ZFHX3: variants seen among roughly 807,000 people sequenced by gnomAD.
ZFHX3 encodes zinc finger homeobox protein 3.
ZFHX3 carries 42 observed loss-of-function variants against 279.1 expected under a neutral mutation model. The ratio of observed to expected loss-of-function variants is 0.15; its 90% CI spans 0.12 to 0.19. The LOEUF is 0.19. Ranked by LOEUF, ZFHX3 falls within the 10% of genes least tolerant of loss-of-function variation. ZFHX3 has a pLI of 1.00. For missense variants in ZFHX3, 4,981 were observed against 4,754.0 expected (o/e 1.05, Z -1.40); for synonymous variants, 2,293 against 1,957.8 (o/e 1.17, Z -4.52).
At chr16:73,557,635 G>A (rs1222156239) in intron 2 of ZFHX3, among the ~76,000 whole-genome samples, 1 of 152,162 alleles carries the variant, frequency 6.6e-6, no homozygotes, top group Non-Finnish European at 1.5e-5. Flanking sequence ...GAGTGTAGCA[G>A]TGAGGACGAC....
chr16:73,008,765 T>G (rs1349021329), intron 1 of ZFHX3, among the ~76,000 whole-genome samples: 2 of 152,160 alleles, frequency 1.3e-5, no homozygotes, highest in Non-Finnish European at 2.9e-5. Flanking sequence ...TTGATGAAAT[T>G]TAGAGATGGC....
chr16:73,318,495 C>T (rs894206738), intron 3 of ZFHX3, among the ~76,000 whole-genome samples: 5 of 152,058 alleles, frequency 3.3e-5, no homozygotes, highest in East Asian at 1.9e-4. Flanking sequence ...TTACTTATTA[C>T]TATTGGGTGA....
chr16:73,374,418 C>T (rs2016686839), intron 3 of ZFHX3, among the ~76,000 whole-genome samples: 1 of 151,816 alleles, frequency 6.6e-6, no homozygotes, highest in African/African-American at 2.4e-5. Flanking sequence ...ATCTATTCCT[C>T]CCACTCTCCT....
chr16:72,895,950 C>T (rs903948128), intron 3 of ZFHX3, among the ~76,000 whole-genome samples: 1 of 152,198 alleles, frequency 6.6e-6, no homozygotes, highest in Non-Finnish European at 1.5e-5. Flanking sequence ...ATCATAAGAA[C>T]TGCAAAGGTA....
intron 3 of ZFHX3, among the ~76,000 whole-genome samples, chr16:72,893,218 C>G (rs1173451746): frequency 6.6e-6 from 1 of 152,200 alleles, no homozygotes; most frequent in Non-Finnish European, 1.5e-5. Flanking sequence ...TACGTTCCAT[C>G]AAGAGATTTT....
In ZFHX3 at chr16:73,120,649, C is replaced by CTTTTTTTTTTTTTTTTTTT. The variant is rs140219846; in HGVS notation, c.-897+10318_-897+10319insAAAAAAAAAAAAAAAAAAA. Among the ~76,000 whole-genome samples, 2 of 106,202 alleles carry CTTTTTTTTTTTTTTTTTTT rather than the reference C, an allele frequency of 1.9e-5. 1 individual carries two copies. The highest frequency in any genetic ancestry group is 4.0e-5 in the Non-Finnish European group (2 of 50,578). 69.7% of individuals were successfully genotyped at this position (106,202 alleles called of 152,430 possible). A position where few individuals can be genotyped will look rare whatever the true frequency, so the allele number is the denominator to read the frequency against. ...TTGTTTTTCTGCCCTATCCTCTCTA[C>CTTTTTTTTTTTTTTTTTTT]CTTTTTTTTTTTTTTTTTTTTTTGA... On this transcript the variant is annotated intron_variant, in intron 7 of 17. Transcript: ENST00000641206.
At chr16:73,124,146 T>C (rs980947457) in intron 7 of ZFHX3, among the ~76,000 whole-genome samples, 1 of 152,128 alleles carries the variant, frequency 6.6e-6, no homozygotes, top group Non-Finnish European at 1.5e-5. Context: ...AATAGTGTGT[T>C]TTGGCCTGTT....
chr16:73,782,865 G>A (rs537414221), intron 1 of ZFHX3, among the ~76,000 whole-genome samples: 1 of 152,308 alleles, frequency 6.6e-6, no homozygotes, highest in East Asian at 1.9e-4. Context: ...TGTTTCTTAG[G>A]AATAAACTGT....
In ZFHX3 at chr16:73,546,688, GC is replaced by G. The variant is rs1427623150; in HGVS notation, c.-1546-90431del. Reference sequence around the variant, plus strand: ...TGCTGCTGTTGCTGCTGCTGCTGCTGCTGCTGCTGCTGCTGCTGCTGCTGCT... The same window carrying G: ...TGCTGCTGTTGCTGCTGCTGCTGCTGTGCTGCTGCTGCTGCTGCTGCTGCT... On this transcript the variant is annotated intron_variant, in intron 2 of 17. Coordinates refer to the ZFHX3 transcript ENST00000641206. Among the ~76,000 whole-genome samples, 18 of 71,044 alleles carry G rather than the reference GC, an allele frequency of 2.5e-4. No individual in the cohort carries two copies. The East Asian group carries it at 4.9e-3, about 19-fold the overall frequency. 46.6% of individuals were successfully genotyped at this position (71,044 alleles called of 152,430 possible). A position where few individuals can be genotyped will look rare whatever the true frequency, so the allele number is the denominator to read the frequency against.
chr16:73,789,703 A>G (rs1206983132), intron 1 of ZFHX3, among the ~76,000 whole-genome samples: 2 of 152,172 alleles, frequency 1.3e-5, no homozygotes, highest in Admixed American at 6.5e-5. Context: ...CCAGGCAGCA[A>G]TTGTACAGTC....
chr16:73,591,716 A>G (rs1031456910), intron 2 of ZFHX3, among the ~76,000 whole-genome samples: 1 of 146,278 alleles, frequency 6.8e-6, no homozygotes, highest in Non-Finnish European at 1.5e-5. Context: ...AAAAAAAAAA[A>G]AAGAAAAGAA....
intron 2 of ZFHX3, among the ~76,000 whole-genome samples, chr16:73,659,948 C>T (rs760174590): frequency 1.4e-4 from 22 of 152,232 alleles, no homozygotes; most frequent in Non-Finnish European, 2.6e-4. Context: ...ACTGTAATTA[C>T]GGAAGGTGTA....
At chr16:72,885,144 C>T (rs928460321) in intron 4 of ZFHX3, among the ~76,000 whole-genome samples, 3 of 152,202 alleles carry the variant, frequency 2.0e-5, no homozygotes, top group Non-Finnish European at 2.9e-5. Context: ...AAAAGTGTAA[C>T]GACAAAGACC....
chr16:73,688,035 T>C (rs2053108722), intron 1 of ZFHX3, among the ~76,000 whole-genome samples: 1 of 151,998 alleles, frequency 6.6e-6, no homozygotes, highest in South Asian at 2.1e-4. Flanking sequence ...ATGGCTGCTA[T>C]GGTCTGAATG....
chr16:73,253,721 C>T (rs2013580639), intron 5 of ZFHX3, among the ~76,000 whole-genome samples: 1 of 151,996 alleles, frequency 6.6e-6, no homozygotes, highest in South Asian at 2.1e-4. Context: ...TCCCAAAGTG[C>T]TGGGATTACA....
intron 4 of ZFHX3, among the ~76,000 whole-genome samples, chr16:72,868,274 C>G (rs988252815): frequency 5.3e-5 from 8 of 152,162 alleles, no homozygotes; most frequent in Admixed American, 4.6e-4. Flanking sequence ...TCCCTTCTTA[C>G]CCATTCCTGC....
intron 1 of ZFHX3, among the ~76,000 whole-genome samples, chr16:73,758,843 C>T (rs963015835): frequency 6.6e-6 from 1 of 152,158 alleles, no homozygotes; most frequent in African/African-American, 2.4e-5. Context: ...GAATGCAGAC[C>T]ATATCTATTT....
intron 4 of ZFHX3, among the ~76,000 whole-genome samples, chr16:73,278,489 T>C (rs2014365158): frequency 6.6e-6 from 1 of 152,186 alleles, no homozygotes; most frequent in African/African-American, 2.4e-5. Flanking sequence ...GCTCTAAAGA[T>C]GGCACAGACC....
intron 1 of ZFHX3, among the ~76,000 whole-genome samples, chr16:73,821,632 CTG>C (rs1249649347): frequency 6.6e-6 from 1 of 152,216 alleles, no homozygotes; most frequent in Non-Finnish European, 1.5e-5. Flanking sequence ...TACCTAGGAC[CTG>C]TGTCTGCCCT....
Sources: gnomAD v4.1 joint callset for allele counts (sites outside exome capture counted in the v4.1 genomes callset) on GRCh38, gnomAD v4.1.1 for gene constraint, MANE v1.5 for transcripts, NCBI Gene and HGNC (gene_info 2026-07-23, HGNC 2026-07-21) for gene names.